KCNG3: variants seen among roughly 807,000 people sequenced by gnomAD.
KCNG3 encodes the protein potassium voltage-gated channel modifier subfamily G member 3.
A neutral mutation model predicts 29.0 loss-of-function variants in KCNG3; 15 were observed. The observed-to-expected ratio is 0.52, with a 90% CI of 0.35 to 0.80. The LOEUF is 0.80. KCNG3 is among the 30% of genes least tolerant of loss of function. KCNG3 has a pLI of 0.01. For synonymous variants in KCNG3, 322 were observed against 248.9 expected (o/e 1.29, Z -2.76); for missense variants, 512 against 605.7 (o/e 0.85, Z 1.62).
downstream of KCNG3, among the ~76,000 whole-genome samples, chr2:42,438,727 G>C (rs1320934398): frequency 6.6e-6 from 1 of 152,198 alleles, no homozygotes; most frequent in African/African-American, 2.4e-5. Context: ...AAATCTGAAA[G>C]TTTGGGCATA....
the KCNG3 span, among the ~76,000 whole-genome samples, chr2:42,409,277 C>T: frequency 6.6e-6 from 1 of 152,096 alleles, no homozygotes; most frequent in Non-Finnish European, 1.5e-5. Context: ...AACGACACCC[C>T]AAATATCCTA....
intron 1 of KCNG3, among the ~76,000 whole-genome samples, chr2:42,467,806 A>T (rs934568246): frequency 4.6e-5 from 7 of 152,024 alleles, no homozygotes; most frequent in African/African-American, 1.7e-4. Context: ...TCTTGTCTCT[A>T]CAAAAAATAC....
chr2:42,410,520 A>C, the KCNG3 span, among the ~76,000 whole-genome samples: 11 of 152,090 alleles, frequency 7.2e-5, no homozygotes, highest in African/African-American at 2.4e-4. Context: ...TCTAGATTGA[A>C]ATTGCTTTTC....
At chr2:42,471,028 T>G (rs545783582) in intron 1 of KCNG3, among the ~76,000 whole-genome samples, 2 of 152,012 alleles carry the variant, frequency 1.3e-5, no homozygotes, top group African/African-American at 4.8e-5. Flanking sequence ...GGTAAATGCC[T>G]GTAGCACCAG....
chr2:42,460,921 G>A (rs1336136291), intron 1 of KCNG3, among the ~76,000 whole-genome samples: 1 of 152,084 alleles, frequency 6.6e-6, no homozygotes, highest in East Asian at 1.9e-4. Flanking sequence ...CAGCACTTTG[G>A]GAGGCCGAGG....
chr2:42,481,880 C>T (rs562243986), intron 1 of KCNG3, among the ~76,000 whole-genome samples: 1 of 152,328 alleles, frequency 6.6e-6, no homozygotes, highest in African/African-American at 2.4e-5. Context: ...AATCATGGCG[C>T]ACACTTACAC....
the KCNG3 span, among the ~76,000 whole-genome samples, chr2:42,418,016 A>AATATAT: frequency 6.6e-6 from 1 of 151,548 alleles, no homozygotes; most frequent in Non-Finnish European, 1.5e-5. Flanking sequence ...AAATAAATAA[A>AATATAT]ATATATATAT....
chr2:42,413,943 C>A, the KCNG3 span, among the ~76,000 whole-genome samples: 1 of 152,162 alleles, frequency 6.6e-6, no homozygotes, highest in Non-Finnish European at 1.5e-5. Context: ...CACAGCCAAA[C>A]CATATCAGTA....
At chr2:42,410,063 A>G in the KCNG3 span, among the ~76,000 whole-genome samples, 1 of 152,132 alleles carries the variant, frequency 6.6e-6, no homozygotes, top group African/African-American at 2.4e-5. Context: ...GGCATACTAT[A>G]TATACTGATG....
At chr2:42,476,067 T>TATA (rs201809445) in intron 1 of KCNG3, among the ~76,000 whole-genome samples, 7 of 151,992 alleles carry the variant, frequency 4.6e-5, no homozygotes, top group African/African-American at 7.2e-5. Context: ...CTCCGTCTCA[T>TATA]ATAATAATAA....
At chr2:42,461,182 CAAAAAAAA>C (rs34199989) in intron 1 of KCNG3, among the ~76,000 whole-genome samples, 115 of 56,422 alleles carry the variant, frequency 2.0e-3, no homozygotes, top group African/African-American at 4.8e-3. Flanking sequence ...CAAAACAAAA[CAAAAAAAA>C]AAAAAAAAAA....
chr2:42,412,106 C>T, the KCNG3 span, among the ~76,000 whole-genome samples: 6 of 152,198 alleles, frequency 3.9e-5, no homozygotes, highest in Admixed American at 2.6e-4. Flanking sequence ...CTAGTCACTA[C>T]CTTTGTGGAC....
chr2:42,490,005 G>A, intron 1 of KCNG3, among the ~76,000 whole-genome samples: 1 of 152,156 alleles, frequency 6.6e-6, no homozygotes, highest in Middle Eastern at 3.2e-3. Flanking sequence ...TGTACCACAT[G>A]TACTACTTTA....
At chr2:42,403,621 CTTTTTTT>C in the KCNG3 span, among the ~76,000 whole-genome samples, 6 of 134,388 alleles carry the variant, frequency 4.5e-5, no homozygotes, top group Admixed American at 4.6e-4. Flanking sequence ...ACTTTTTTTT[CTTTTTTT>C]TTTTTTTTGT....
At chr2:42,478,568 A>T (rs891318058) in intron 1 of KCNG3, among the ~76,000 whole-genome samples, 13 of 152,130 alleles carry the variant, frequency 8.5e-5, no homozygotes, top group Non-Finnish European at 1.5e-5. Context: ...AAAAAAAAAA[A>T]ATTGAGTACA....
At chr2:42,477,480 T>C (rs1225986232) in intron 1 of KCNG3, among the ~76,000 whole-genome samples, 1 of 137,274 alleles carries the variant, frequency 7.3e-6, no homozygotes, top group Non-Finnish European at 1.5e-5. Flanking sequence ...CAGGCTGGAG[T>C]GCAGTGGCGC....
At chr2:42,461,272 G>A (rs1673011927) in intron 1 of KCNG3, among the ~76,000 whole-genome samples, 2 of 149,564 alleles carry the variant, frequency 1.3e-5, no homozygotes, top group Admixed American at 6.7e-5. Flanking sequence ...ATCAGTGTTC[G>A]TGTTCATTAC....
intron 1 of KCNG3, among the ~76,000 whole-genome samples, chr2:42,492,624 T>C (rs548724986): frequency 1.3e-5 from 2 of 152,190 alleles, no homozygotes; most frequent in Admixed American, 6.5e-5. Flanking sequence ...AAGAGGTGCG[T>C]CTAGTGTAAG....
chr2:42,415,070 T>A, the KCNG3 span, among the ~76,000 whole-genome samples: 1 of 152,188 alleles, frequency 6.6e-6, no homozygotes, highest in Non-Finnish European at 1.5e-5. Context: ...CTCAAACACT[T>A]TGTAATTTAT....
Sources: gnomAD v4.1 joint callset for allele counts (sites outside exome capture counted in the v4.1 genomes callset) on GRCh38, gnomAD v4.1.1 for gene constraint, MANE v1.5 for transcripts, NCBI Gene and HGNC (gene_info 2026-07-23, HGNC 2026-07-21) for gene names.